HHAT: variants seen among roughly 807,000 people sequenced by gnomAD.
HHAT encodes hedgehog acyltransferase.
In HHAT, 47 loss-of-function variants were observed where a neutral mutation model predicts 70.8. The observed-to-expected ratio is 0.66, with a 90% CI of 0.53 to 0.85. The LOEUF (loss-of-function observed/expected upper bound fraction) is 0.85. Ranked by LOEUF, HHAT falls within the 40% of genes least tolerant of loss-of-function variation. The pLI, the probability that HHAT is intolerant of heterozygous loss-of-function variation, is 0.00. For missense variants in HHAT, 609 were observed against 604.8 expected, an observed-to-expected ratio of 1.01 and a Z score of -0.07; for synonymous variants, 228 against 247.6, an observed-to-expected ratio of 0.92 and a Z score of 0.74.
At position 210,575,610 on chromosome 1, in the gene HHAT, T is replaced by C. The variant is rs570905475; in HGVS notation, c.1044-12288T>C. On this transcript the variant is annotated intron_variant, in intron 9 of 11. Transcript: ENST00000261458. ...ACCCCTTTCTGGTGTACACCTCCCC[T>C]GGGCCTTGGCATGTCCCTGTTTGTG... is the stretch of plus-strand genomic sequence containing the variant. 4.6e-5 allele frequency among the ~76,000 whole-genome samples: 7 copies of C among 152,264 alleles called. No individual in the cohort carries two copies. In the South Asian group the frequency reaches 8.3e-4, roughly 18 times the overall value.
intron 7 of HHAT, among the ~76,000 whole-genome samples, chr1:210,449,408 T>C (rs1363966909): frequency 6.6e-6 from 1 of 152,206 alleles, no homozygotes; most frequent in Non-Finnish European, 1.5e-5. Context: ...CCCTTTCTGA[T>C]CATGCCTTTC....
At chr1:210,361,428 T>C (rs181030765) in intron 2 of HHAT, among the ~76,000 whole-genome samples, 27 of 152,272 alleles carry the variant, frequency 1.8e-4, no homozygotes, top group Admixed American at 5.2e-4. Context: ...ATCACTTGGA[T>C]TGCACTGTGG....
chr1:210,651,951 C>G (rs1237498465), intron 11 of HHAT, among the ~76,000 whole-genome samples: 1 of 152,138 alleles, frequency 6.6e-6, no homozygotes, highest in East Asian at 1.9e-4. Flanking sequence ...TTGAGAGGCC[C>G]AGAAATGGTG....
intron 7 of HHAT, among the ~76,000 whole-genome samples, chr1:210,428,643 C>T (rs974841083): frequency 1.3e-5 from 2 of 151,402 alleles, no homozygotes; most frequent in Non-Finnish European, 2.9e-5. Context: ...TAGCATATTC[C>T]TTTATCCCTT....
intron 8 of HHAT, among the ~76,000 whole-genome samples, chr1:210,509,141 G>A (rs959018801): frequency 2.0e-5 from 3 of 152,204 alleles, no homozygotes; most frequent in Non-Finnish European, 4.4e-5. Flanking sequence ...ACTGCAATAT[G>A]CAGATTGAAT....
At chr1:210,488,262 G>A (rs1261673141) in intron 8 of HHAT, among the ~76,000 whole-genome samples, 1 of 152,090 alleles carries the variant, frequency 6.6e-6, no homozygotes, top group African/African-American at 2.4e-5. Flanking sequence ...TTCAAGTCTT[G>A]ACTCACATAT....
rs767096394 is a variant in HHAT, at chr1:210,362,835, T to C, written c.92-17T>C. On this transcript the variant is annotated splice_polypyrimidine_tract_variant and intron_variant, in intron 2 of 11. Transcript: ENST00000261458. The stretch of plus-strand genomic sequence containing the variant: ...GTTTAGATTTGTGACTAACGAAGAC[T>C]TTTTTTTTTTGGTCAGAACACGAAG... 4.1e-6 allele frequency: 3 copies of C among 728,736 alleles called. No individual in the cohort carries two copies. The highest frequency in any genetic ancestry group is 5.8e-6 in the Non-Finnish European group (3 of 517,168). The allele number at this position is 728,736 out of a possible 1,614,324, so 45.1% of individuals were successfully genotyped here.
Position 210,333,440 on chromosome 1 carries a change from A to G in HHAT, c.-44+4336A>G, listed in dbSNP as rs1257473511. Among the ~76,000 whole-genome samples, 24 of 146,174 alleles carry G rather than the reference A, an allele frequency of 1.6e-4. No individual in the cohort carries two copies. The Admixed American group carries it at 1.8e-3, about 11-fold the overall frequency. ...CCCTGTCTCTTAAAAAATAATAATA[A>G]AATGAAAAAACTAAAAAAGCTCCAA... On this transcript the variant is annotated intron_variant, in intron 1 of 11. Transcript: ENST00000261458.
rs541575330 is a variant in HHAT at position 210,405,127 on chromosome 1, GCCT to G, written c.684+449_684+451del. Among the ~76,000 whole-genome samples the G allele has an allele frequency of 3.1e-3, 465 of 152,298 alleles. 1 individual carries two copies. Among genetic ancestry groups the G allele is most frequent in the Non-Finnish European group, 5.5e-3 (376 of 68,028 alleles). On this transcript the variant is annotated intron_variant, in intron 6 of 11. Transcript: ENST00000261458. ...CTGCTTAAGAAATAGTCCTGCCATAGCCTGGGAGCTGTTCAGGGTGACCTAGGT... is the reference window on the plus strand; with the variant it reads ...CTGCTTAAGAAATAGTCCTGCCATAGGGGAGCTGTTCAGGGTGACCTAGGT...
At chr1:210,431,298 G>A (rs2093235148) in intron 7 of HHAT, among the ~76,000 whole-genome samples, 1 of 151,718 alleles carries the variant, frequency 6.6e-6, no homozygotes, top group Admixed American at 6.6e-5. Flanking sequence ...TCCCAGGACT[G>A]CCACCTGTCC....
chr1:210,663,978 G>A (rs1433152121), intron 11 of HHAT, among the ~76,000 whole-genome samples: 1 of 152,206 alleles, frequency 6.6e-6, no homozygotes, highest in Non-Finnish European at 1.5e-5. Flanking sequence ...CCTGAACACC[G>A]GGGTTTGAGT....
Position 210,486,791 on chromosome 1 carries a change from G to A in HHAT, c.1007+22136G>A, listed in dbSNP as rs578152375. On this transcript the variant is annotated intron_variant, in intron 8 of 11. Transcript: ENST00000261458. ...AGGAATCACTGTCATCTAAAATCAA[G>A]CCTCTTGATTATCTTCCTATTGGCT... Among the ~76,000 whole-genome samples, 593 of 152,238 alleles carry A rather than the reference G, an allele frequency of 3.9e-3. 5 individuals carry two copies. The highest frequency in any genetic ancestry group is 5.9e-3 in the Non-Finnish European group (398 of 68,010).
chr1:210,405,163 CAG>C (rs2092276948), intron 6 of HHAT, among the ~76,000 whole-genome samples: 1 of 152,134 alleles, frequency 6.6e-6, no homozygotes, highest in African/African-American at 2.4e-5. Flanking sequence ...GGTGTGAAAA[CAG>C]AGTGGAGTTG....
intron 11 of HHAT, among the ~76,000 whole-genome samples, chr1:210,648,529 C>G (rs1674519778): frequency 6.6e-6 from 1 of 152,204 alleles, no homozygotes; most frequent in African/African-American, 2.4e-5. Context: ...TTGCACAGGT[C>G]TGAGTTCTTT....
rs1660216556 is a variant in HHAT, at chr1:210,585,417, G to A, written c.1044-2481G>A. On this transcript the variant is annotated intron_variant, in intron 9 of 11. Transcript: ENST00000261458. ...GGAAAAGAGACCTCAGTATGGAACT[G>A]GACTCTTTTTTTTGAGACGGAGTCT... 3.3e-5 allele frequency among the ~76,000 whole-genome samples: 5 copies of A among 152,046 alleles called. No homozygotes were observed. The South Asian group carries it at 8.3e-4, about 25-fold the overall frequency.
intron 10 of HHAT, among the ~76,000 whole-genome samples, chr1:210,603,684 C>CGT (rs1664764179): frequency 6.6e-6 from 1 of 152,008 alleles, no homozygotes; most frequent in Admixed American, 6.6e-5. Flanking sequence ...ATGTGTGCAA[C>CGT]GTGTGTGTGT....
At chr1:210,509,268 C>A (rs907654191) in intron 8 of HHAT, among the ~76,000 whole-genome samples, 2 of 152,178 alleles carry the variant, frequency 1.3e-5, no homozygotes, top group Admixed American at 6.5e-5. Flanking sequence ...AATCCAAAAT[C>A]TGAAGGTGCT....
At chr1:210,350,177 A>G (rs1391775021) in intron 2 of HHAT, among the ~76,000 whole-genome samples, 1 of 152,176 alleles carries the variant, frequency 6.6e-6, no homozygotes, top group Non-Finnish European at 1.5e-5. Context: ...CAATTTGTTG[A>G]TATCTACAAA....
At chr1:210,544,083 C>T (rs2095458218) in intron 9 of HHAT, among the ~76,000 whole-genome samples, 1 of 152,106 alleles carries the variant, frequency 6.6e-6, no homozygotes, top group African/African-American at 2.4e-5. Context: ...AACACTAGAC[C>T]CTAAGAAAAG....
Sources: gnomAD v4.1 joint callset for allele counts (sites outside exome capture counted in the v4.1 genomes callset) on GRCh38, gnomAD v4.1.1 for gene constraint, MANE v1.5 for transcripts, NCBI Gene and HGNC (gene_info 2026-07-23, HGNC 2026-07-21) for gene names.